PKD1L1: variants seen among roughly 807,000 people sequenced by gnomAD.
PKD1L1 encodes the protein polycystin-1-like protein 1.
In PKD1L1, 236 loss-of-function variants were observed where a neutral mutation model predicts 323.4. The ratio of observed to expected loss-of-function variants is 0.73; its 90% CI spans 0.66 to 0.81. PKD1L1 has a LOEUF of 0.81. Among genes scored for constraint, PKD1L1 ranks in the 40% least tolerant of loss-of-function variants. The probability of loss-of-function intolerance (pLI) is 0.00; values close to 1 mark genes in which losing one functional copy is unlikely to be tolerated. For missense variants in PKD1L1, 3,320 were observed against 3,508.0 expected, an observed-to-expected ratio of 0.95 and a Z score of 1.35; for synonymous variants, 1,344 against 1,335.0, an observed-to-expected ratio of 1.01 and a Z score of -0.15.
chr7:47,878,923 A>T (rs1175670835), intron 21 of PKD1L1, among the ~76,000 whole-genome samples: 3 of 152,088 alleles, frequency 2.0e-5, no homozygotes, highest in African/African-American at 7.2e-5. Context: ...CCATGGAGAG[A>T]CTCTCATGTG....
intron 36 of PKD1L1, 115 bp from the exon 37 acceptor site, chr7:47,837,209 A>G (rs576441277): frequency 2.5e-6 from 3 of 1,194,906 alleles, no homozygotes; most frequent in Non-Finnish European, 3.6e-6. Context: ...TGGTTCTTCC[A>G]TCCTAGCTGC....
intron 31 of PKD1L1, among the ~76,000 whole-genome samples, chr7:47,850,077 C>T (rs1010772352): frequency 1.3e-5 from 2 of 151,996 alleles, no homozygotes; most frequent in African/African-American, 2.4e-5. Flanking sequence ...GTATACTGCT[C>T]GGGTGATGGG....
chr7:47,794,334 C>G (rs1308702574), intron 55 of PKD1L1, among the ~76,000 whole-genome samples: 1 of 152,134 alleles, frequency 6.6e-6, no homozygotes, highest in Non-Finnish European at 1.5e-5. Context: ...TGTGTGCAGC[C>G]TAGAGACTTG....
chr7:47,927,206 A>G (rs900560905), intron 7 of PKD1L1, among the ~76,000 whole-genome samples: 1 of 152,096 alleles, frequency 6.6e-6, no homozygotes, highest in African/African-American at 2.4e-5. Flanking sequence ...AAATTCCTAC[A>G]TGAAAAGAAA....
intron 33 of PKD1L1, 114 bp from the exon 34 acceptor site, chr7:47,843,283 G>T: frequency 1.3e-6 from 1 of 795,876 alleles, no homozygotes; most frequent in Non-Finnish European, 2.0e-6. Context: ...GGGCTTCACT[G>T]ATACATTTTT....
chr7:47,813,642 T>C, intron 48 of PKD1L1: 1 of 667,212 alleles, frequency 1.5e-6, no homozygotes. Flanking sequence ...TTAGATTGTT[T>C]GATTAAAAAT....
At position 47,880,884 on chromosome 7, in the gene PKD1L1, A is replaced by G. The variant is rs78574665; in HGVS notation, c.3443-79T>C. 0.29 allele frequency: 326,774 copies of G among 1,123,040 alleles called. 51,260 individuals carry two copies. Among genetic ancestry groups the G allele is most frequent in the African/African-American group, 0.56 (34,464 of 61,682 alleles). The allele number at this position is 1,123,040 out of a possible 1,614,324, so 69.6% of individuals were successfully genotyped here. A position where few individuals can be genotyped will look rare whatever the true frequency, so the allele number is the denominator to read the frequency against. On this transcript the variant is annotated intron_variant, in intron 20 of 56. Coordinates refer to ENST00000289672, the MANE Select transcript of PKD1L1 (RefSeq NM_138295.5). Reference sequence around the variant, plus strand: ...AGGTCACACAGAGTCCTTGGAAATGAGTTCCACTCTTCCCCCAGGGGTGAA... The same window carrying G: ...AGGTCACACAGAGTCCTTGGAAATGGGTTCCACTCTTCCCCCAGGGGTGAA...
chr7:47,791,690 T>C (rs1328916178), intron 56 of PKD1L1, among the ~76,000 whole-genome samples: 1 of 152,216 alleles, frequency 6.6e-6, no homozygotes, highest in East Asian at 1.9e-4. Flanking sequence ...TAAACGGTGT[T>C]CTTCCCTGGG....
chr7:47,913,415 T>G (rs1052890677), intron 8 of PKD1L1, among the ~76,000 whole-genome samples: 1 of 152,146 alleles, frequency 6.6e-6, no homozygotes, highest in Non-Finnish European at 1.5e-5. Flanking sequence ...TCATGTCGAA[T>G]TGCATTCCCC....
At chr7:47,803,088 G>T in intron 53 of PKD1L1, 122 bp downstream of exon 53, 2 of 1,220,734 alleles carry the variant, frequency 1.6e-6, no homozygotes, top group Non-Finnish European at 2.3e-6. Flanking sequence ...GGGATTAGAA[G>T]ACTGGAATTC....
intron 47 of PKD1L1, 120 bp downstream of exon 47, chr7:47,815,214 C>G: frequency 7.4e-7 from 1 of 1,350,648 alleles, no homozygotes; most frequent in Non-Finnish European, 1.0e-6. Context: ...ACCGGCCTTA[C>G]ACCTGCATGG....
upstream of PKD1L1, among the ~76,000 whole-genome samples, chr7:47,951,550 A>C (rs1788205533): frequency 6.6e-6 from 1 of 152,212 alleles, no homozygotes; most frequent in African/African-American, 2.4e-5. Flanking sequence ...GAAGACTTTC[A>C]GTAGTCAAAG....
rs575996453 is a variant in PKD1L1 at position 47,894,320 on chromosome 7, A to C, written c.2272-261T>G. ...TTTGGGCATTTCCTAGCTTGTGAACACAATAGAGACTTTCCATGTGTGCAC... is the reference window on the plus strand; with the variant it reads ...TTTGGGCATTTCCTAGCTTGTGAACCCAATAGAGACTTTCCATGTGTGCAC... On this transcript the variant is annotated intron_variant, in intron 14 of 56. Transcript: ENST00000289672. Among the ~76,000 whole-genome samples, 4 of 152,282 alleles carry C rather than the reference A, an allele frequency of 2.6e-5. No homozygotes were observed. The East Asian group carries it at 7.7e-4, about 29-fold the overall frequency.
intron 43 of PKD1L1, 115 bp downstream of exon 43, chr7:47,829,925 T>C (rs1341268903): frequency 2.0e-6 from 2 of 994,112 alleles, no homozygotes; most frequent in Non-Finnish European, 3.1e-6. Flanking sequence ...CAACCACAGC[T>C]GAAATCAGGG....
chr7:47,902,158 A>G (rs1787106006), intron 13 of PKD1L1, among the ~76,000 whole-genome samples: 1 of 152,168 alleles, frequency 6.6e-6, no homozygotes, highest in Non-Finnish European at 1.5e-5. Context: ...CAGAAATGAC[A>G]CTGTCTCCTC....
chr7:47,796,762 C>T lies in PKD1L1; in HGVS notation c.8194-612G>A, dbSNP rs182805473. ...CAGCACTTTGGGAGGCCAAGGCAGG[C>T]GGATCATGAGGTCAGGAGATTGAAA... On this transcript the variant is annotated intron_variant, in intron 54 of 56. Coordinates refer to ENST00000289672, the MANE Select transcript of PKD1L1 (RefSeq NM_138295.5). Among the ~76,000 whole-genome samples the T allele has an allele frequency of 1.9e-3, 287 of 149,962 alleles. 2 individuals are homozygous for T. Among genetic ancestry groups the T allele is most frequent in the African/African-American group, 6.6e-3 (269 of 40,466 alleles).
At position 47,835,020 on chromosome 7, in the gene PKD1L1, C is replaced by T. The variant is rs372219419; in HGVS notation, c.6074G>A (p.Arg2025Gln). Reference protein sequence around the residue: ...RLSKEAPGSARVEPHSPLRGG... With the variant: ...RLSKEAPGSAQVEPHSPLRGG... ...TCTAAGTGGGCTGTGTGGCTCCACTCGGGCAGACCCCGGGGCTTCCTGCAG... is the reference window on the plus strand; with the variant it reads ...TCTAAGTGGGCTGTGTGGCTCCACTTGGGCAGACCCCGGGGCTTCCTGCAG... Residue 2025 changes from arginine to glutamine, a missense_variant, in exon 39 of 57, where the codon CGA becomes CAA. Physicochemically the swap from Arg to Gln is conservative, Grantham distance 43. Transcript: ENST00000289672. 9.9e-6 allele frequency: 16 copies of T among 1,613,804 alleles called. No homozygotes were observed. The highest frequency in any genetic ancestry group is 6.7e-5 in the African/African-American group (5 of 74,918).
At chr7:47,844,425 A>C (rs1437051268) in intron 33 of PKD1L1, among the ~76,000 whole-genome samples, 4 of 152,250 alleles carry the variant, frequency 2.6e-5, no homozygotes. Context: ...TAAGCATTGT[A>C]TTAAATGTAG....
chr7:47,880,103 G>C (rs59399629), intron 21 of PKD1L1, among the ~76,000 whole-genome samples: 53,097 of 148,948 alleles, frequency 0.36, 10,770 homozygotes, highest in African/African-American at 0.55. Context: ...GGCGAGGCCT[G>C]TGGGTGAATT....
Sources: gnomAD v4.1 joint callset for allele counts (sites outside exome capture counted in the v4.1 genomes callset) on GRCh38, gnomAD v4.1.1 for gene constraint, MANE v1.5 for transcripts, NCBI Gene and HGNC (gene_info 2026-07-23, HGNC 2026-07-21) for gene names.